The following GLB1L3 variants were observed in gnomAD, a reference collection of about 807,000 sequenced individuals.
GLB1L3 encodes the protein beta-galactosidase-1-like protein 3.
Under a neutral mutation model 89.5 loss-of-function variants are expected in GLB1L3, and 89 were observed. That is an observed-to-expected ratio of 0.99 (90% CI 0.84 to 1.19). The LOEUF is 1.19. GLB1L3 is among the 50% of genes most tolerant of loss of function. The pLI, the probability that GLB1L3 is intolerant of heterozygous loss-of-function variation, is 0.00. For missense variants in GLB1L3, 812 were observed against 813.3 expected, an observed-to-expected ratio of 1.00 and a Z score of 0.02; for synonymous variants, 314 against 312.3, an observed-to-expected ratio of 1.01 and a Z score of -0.06.
chr11:134,298,070 T>TC (rs1008544032), intron 9 of GLB1L3, among the ~76,000 whole-genome samples: 7 of 151,990 alleles, frequency 4.6e-5, no homozygotes, highest in African/African-American at 1.7e-4. Flanking sequence ...TTCTTATCTT[T>TC]TTTTTTTGTC....
At chr11:134,322,177 A>G (rs1004208910), downstream of GLB1L3, among the ~76,000 whole-genome samples, 1 of 152,204 alleles carries the variant, frequency 6.6e-6, no homozygotes, top group Non-Finnish European at 1.5e-5. Context: ...TATTAACATC[A>G]GGCAAGTAGA....
chr11:134,297,083 G>A (rs924685616), intron 9 of GLB1L3, among the ~76,000 whole-genome samples: 2 of 151,792 alleles, frequency 1.3e-5, no homozygotes, highest in East Asian at 3.9e-4. Context: ...TGCCTGTTTT[G>A]AGGTGCATTC....
intron 10 of GLB1L3, among the ~76,000 whole-genome samples, chr11:134,308,480 C>T (rs1470651383): frequency 8.9e-4 from 9 of 10,146 alleles, no homozygotes; most frequent in Non-Finnish European, 1.7e-3. Context: ...CCAAATACCA[C>T]CACCACCATC....
chr11:134,283,492 A>G (rs1940811617), intron 5 of GLB1L3, among the ~76,000 whole-genome samples: 1 of 152,226 alleles, frequency 6.6e-6, no homozygotes, highest in African/African-American at 2.4e-5. Context: ...ATAGAGCTGA[A>G]GGCCTTTCCG....
At position 134,309,664 on chromosome 11, in the gene GLB1L3, A is replaced by C. The variant is rs1236145206; in HGVS notation, c.1000A>C (p.Ile334Leu). The part of the protein sequence containing the change: ...HAVSEFIKYE[I>L]SFNVYMFHGG... ...TGTGTCTGAATTCATCAAATATGAGATCTCCTTCAATGTATATATGTTCCA... is the reference window on the plus strand; with the variant it reads ...TGTGTCTGAATTCATCAAATATGAGCTCTCCTTCAATGTATATATGTTCCA... Residue 334 changes from isoleucine to leucine, a missense_variant, in exon 11 of 20, where the codon ATC becomes CTC. By Grantham distance (5) the Ile-to-Leu change is conservative. Transcript: ENST00000431683. The C allele has an allele frequency of 3.7e-6, 6 of 1,606,376 alleles. No homozygotes were observed. Among genetic ancestry groups the C allele is most frequent in the Non-Finnish European group, 1.7e-6 (2 of 1,174,356 alleles).
chr11:134,289,909 G>C (rs1016739518), intron 7 of GLB1L3, among the ~76,000 whole-genome samples: 66 of 152,346 alleles, frequency 4.3e-4, no homozygotes, highest in Non-Finnish European at 7.8e-4. Flanking sequence ...AGAGTGCAGG[G>C]CTGCAGGGTT....
chr11:134,322,861 A>G (rs1200281625), downstream of GLB1L3, among the ~76,000 whole-genome samples: 1 of 152,190 alleles, frequency 6.6e-6, no homozygotes, highest in Non-Finnish European at 1.5e-5. Flanking sequence ...ATTATGAATA[A>G]TGCTACTATG....
At position 134,276,572 on chromosome 11, in the gene GLB1L3, C is replaced by CCCGGCG; in HGVS notation, c.-166_-161dup. 1 of 540,756 alleles carries CCCGGCG rather than the reference C, an allele frequency of 1.8e-6. No homozygotes were observed. The highest frequency in any genetic ancestry group is 2.8e-6 in the Non-Finnish European group (1 of 358,786). The allele number at this position is 540,756 out of a possible 1,614,324, so 33.5% of individuals were successfully genotyped here. ...CCGACGCGCATCCTTGGGACCCGGA[C>CCCGGCG]CCGGCGCCCGCGCCTCGGGACGGAT... On this transcript the variant is annotated 5_prime_UTR_variant, in exon 1 of 20. Transcript: ENST00000431683.
intron 7 of GLB1L3, among the ~76,000 whole-genome samples, chr11:134,289,873 C>T (rs1360142887): frequency 1.3e-5 from 2 of 151,594 alleles, no homozygotes; most frequent in Admixed American, 1.3e-4. Context: ...TCAGTCTCAA[C>T]TGAACCCCAC....
chr11:134,287,608 G>C (rs1941090843), intron 6 of GLB1L3, among the ~76,000 whole-genome samples: 1 of 152,230 alleles, frequency 6.6e-6, no homozygotes, highest in African/African-American at 2.4e-5. Flanking sequence ...AAAAACAATT[G>C]TTTTCAACTC....
intron 6 of GLB1L3, among the ~76,000 whole-genome samples, chr11:134,286,772 G>A (rs917706952): frequency 1.1e-4 from 16 of 150,500 alleles, no homozygotes; most frequent in East Asian, 4.0e-4. Flanking sequence ...GCGAGACTCC[G>A]TCTCAAAAAA....
In GLB1L3 at chr11:134,277,847, G is replaced by A. The variant is rs1940462965; in HGVS notation, c.297G>A (p.Val99=). ...IFGGSIHYFR[V]PREYWRDRLL... The stretch of plus-strand genomic sequence containing the variant: ...GGGGCTCCATCCACTATTTCCGGGT[G>A]CCCAGGGAGTACTGGAGGGACCGCC... Residue 99 remains valine, a synonymous_variant, in exon 3 of 20, where the codon GTG becomes GTA. Coordinates refer to ENST00000431683, the MANE Select transcript of GLB1L3 (RefSeq NM_001080407.3). 1.2e-6 allele frequency: 2 copies of A among 1,614,076 alleles called. No individual in the cohort carries two copies. The highest frequency in any genetic ancestry group is 1.7e-6 in the Non-Finnish European group (2 of 1,179,996).
chr11:134,287,439 A>G (rs1359036835), intron 6 of GLB1L3: 1 of 152,176 alleles, frequency 6.6e-6, no homozygotes, highest in Non-Finnish European at 1.5e-5. Context: ...TATTGTTTTA[A>G]TTATTATGTA....
downstream of GLB1L3, among the ~76,000 whole-genome samples, chr11:134,322,960 A>G (rs1369321517): frequency 2.6e-5 from 4 of 152,148 alleles, no homozygotes; most frequent in Non-Finnish European, 1.5e-5. Context: ...TCATACGGTA[A>G]TTCTGTGTTT....
At chr11:134,283,876 T>C (rs999770061) in intron 6 of GLB1L3, 31 bp downstream of exon 6, 10 of 1,275,926 alleles carry the variant, frequency 7.8e-6, no homozygotes, top group Non-Finnish European at 1.1e-5. Flanking sequence ...GCATCTTTCT[T>C]ACGTGCCCTT....
intron 1 of GLB1L3, chr11:134,277,051 C>T (rs1366499194): frequency 2.3e-5 from 13 of 568,934 alleles, no homozygotes; most frequent in Non-Finnish European, 4.0e-5. Context: ...GAAGTGCGCC[C>T]GCCTCCGCCT....
At chr11:134,283,904 C>A in intron 6 of GLB1L3, 59 bp downstream of exon 6, 1 of 998,352 alleles carries the variant, frequency 1.0e-6, no homozygotes, top group South Asian at 1.4e-5. Context: ...AGAGTTTGTT[C>A]TGGCTTGATC....
At chr11:134,300,458 G>A (rs943589396) in intron 9 of GLB1L3, among the ~76,000 whole-genome samples, 6 of 151,014 alleles carry the variant, frequency 4.0e-5, no homozygotes, top group African/African-American at 1.2e-4. Context: ...TCAGCCTCCC[G>A]AGTAGCTGGG....
intron 10 of GLB1L3, among the ~76,000 whole-genome samples, chr11:134,308,489 TCAC>T (rs1555080443): frequency 3.3e-4 from 2 of 6,102 alleles, no homozygotes; most frequent in East Asian, 3.7e-3. Flanking sequence ...ACCACCACCA[TCAC>T]CACCAAATAC....
Sources: gnomAD v4.1 joint callset for allele counts (sites outside exome capture counted in the v4.1 genomes callset) on GRCh38, gnomAD v4.1.1 for gene constraint, MANE v1.5 for transcripts, NCBI Gene and HGNC (gene_info 2026-07-23, HGNC 2026-07-21) for gene names.